The following PACS1 variants were observed in gnomAD, a reference collection of about 807,000 sequenced individuals.
PACS1 encodes phosphofurin acidic cluster sorting protein 1.
PACS1 carries 24 observed loss-of-function variants against 115.0 expected under a neutral mutation model. That is an observed-to-expected ratio of 0.21 (90% confidence interval 0.15 to 0.29). PACS1 has a LOEUF of 0.29. PACS1 is among the 10% of genes least tolerant of loss of function. The pLI is 1.00. For missense variants in PACS1, 838 were observed against 1,251.2 expected (o/e 0.67, Z 4.98); for synonymous variants, 453 against 504.5 (o/e 0.90, Z 1.37).
Position 66,236,236 on chromosome 11 carries a change from G to T in PACS1, c.2250+296G>T, listed in dbSNP as rs566574403. Reference sequence around the variant, plus strand: ...GCAGAGGTGGAGAAACCCTGGGCCGGACATGGATTGGGCTGTCCCTTTTAG... The same window carrying T: ...GCAGAGGTGGAGAAACCCTGGGCCGTACATGGATTGGGCTGTCCCTTTTAG... On this transcript the variant is annotated intron_variant, in intron 19 of 23. Coordinates refer to ENST00000320580, the MANE Select transcript of PACS1 (RefSeq NM_018026.4). This position sits in a 1 kb window ranked among gnomAD's most constrained non-coding sequence, Gnocchi z 4.2. Among the ~76,000 whole-genome samples, 5 of 152,306 alleles carry T rather than the reference G, an allele frequency of 3.3e-5. No individual in the cohort carries two copies. The highest frequency in any genetic ancestry group is 3.3e-4 in the Admixed American group (5 of 15,290).
chr11:66,199,176 G>T (rs183340197), intron 2 of PACS1, among the ~76,000 whole-genome samples: 2 of 152,034 alleles, frequency 1.3e-5, no homozygotes, highest in African/African-American at 2.4e-5. Flanking sequence ...TTAGCCAAGC[G>T]TGGTGGCGGG....
In PACS1 at chr11:66,095,839, A is replaced by G. The variant is rs552539237; in HGVS notation, c.356+24997A>G. On this transcript the variant is annotated intron_variant, in intron 1 of 23. Transcript: ENST00000320580. Reference sequence around the variant, plus strand: ...GTTTTACAGACTTATTTAGAAAACAATCTTTAGGTATTATCTGGTGAATTC... The same window carrying G: ...GTTTTACAGACTTATTTAGAAAACAGTCTTTAGGTATTATCTGGTGAATTC... Among the ~76,000 whole-genome samples the G allele has an allele frequency of 6.6e-5, 10 of 152,282 alleles. No individual in the cohort carries two copies. The East Asian group carries it at 9.6e-4, about 15-fold the overall frequency.
chr11:66,202,767 A>G (rs1854844430), intron 2 of PACS1, among the ~76,000 whole-genome samples: 1 of 118,820 alleles, frequency 8.4e-6, no homozygotes, highest in Non-Finnish European at 1.7e-5. Flanking sequence ...ATATATATAT[A>G]TATATATATA....
chr11:66,221,418 C>T (rs993111180), intron 10 of PACS1, 171 bp downstream of exon 10: 6 of 623,362 alleles, frequency 9.6e-6, no homozygotes, highest in South Asian at 3.7e-5. Flanking sequence ...GAGGTGGAGT[C>T]GGGCAGATCA....
chr11:66,079,176 C>G (rs1480134867), intron 1 of PACS1, among the ~76,000 whole-genome samples: 1 of 152,190 alleles, frequency 6.6e-6, no homozygotes, highest in African/African-American at 2.4e-5. Flanking sequence ...CGTGAGCCAC[C>G]GCCCAGCCTC....
At chr11:66,202,175 A>G (rs766962263) in intron 2 of PACS1, among the ~76,000 whole-genome samples, 13 of 152,196 alleles carry the variant, frequency 8.5e-5, no homozygotes, top group Non-Finnish European at 1.5e-4. Context: ...ACCTTCCAAG[A>G]TTGAACCATG....
intron 1 of PACS1, among the ~76,000 whole-genome samples, chr11:66,118,769 CAA>C (rs397945291): frequency 0.23 from 19,006 of 83,188 alleles, 502 homozygotes; most frequent in East Asian, 0.41. Context: ...CCCATGTCTA[CAA>C]AAAAAAAAAA....
intron 1 of PACS1, among the ~76,000 whole-genome samples, chr11:66,095,041 G>A (rs563830752): frequency 1.3e-4 from 19 of 146,652 alleles, no homozygotes; most frequent in South Asian, 2.2e-4. Context: ...TTGATGGGAC[G>A]TATCTCAAAA....
intron 21 of PACS1, among the ~76,000 whole-genome samples, chr11:66,240,325 G>T (rs1403747038): frequency 6.6e-6 from 1 of 152,128 alleles, no homozygotes; most frequent in East Asian, 1.9e-4. Flanking sequence ...GTGGAGGGGT[G>T]GGCTCCTGAC....
intron 17 of PACS1, among the ~76,000 whole-genome samples, chr11:66,234,800 C>T (rs1855673790): frequency 2.0e-5 from 3 of 152,048 alleles, no homozygotes; most frequent in Non-Finnish European, 4.4e-5. Flanking sequence ...TTGCTTGAGA[C>T]CAGAAGGTTG....
intron 1 of PACS1, among the ~76,000 whole-genome samples, chr11:66,104,344 A>G (rs1055916541): frequency 6.6e-6 from 1 of 152,160 alleles, no homozygotes; most frequent in Admixed American, 6.5e-5. Flanking sequence ...TCTTCCTTCT[A>G]TTTCTGGTTA....
intron 1 of PACS1, among the ~76,000 whole-genome samples, chr11:66,107,798 C>G (rs925377468): frequency 6.6e-6 from 1 of 152,182 alleles, no homozygotes; most frequent in African/African-American, 2.4e-5. Context: ...ATAGAGAAAC[C>G]AGCATAGAGA....
chr11:66,198,922 TTTAA>T (rs1252437395), intron 2 of PACS1, among the ~76,000 whole-genome samples: 3 of 152,236 alleles, frequency 2.0e-5, no homozygotes, highest in Admixed American at 6.5e-5. Context: ...AAATATCTGT[TTTAA>T]TTCATAATAT....
intron 19 of PACS1, chr11:66,238,476 G>T (rs973275169): frequency 3.0e-5 from 10 of 330,142 alleles, no homozygotes; most frequent in Non-Finnish European, 4.6e-5. Flanking sequence ...GATTTGCAAA[G>T]ATTTTTTTAT....
chr11:66,215,772 C>T (rs147434478), intron 4 of PACS1, among the ~76,000 whole-genome samples: 5 of 151,648 alleles, frequency 3.3e-5, no homozygotes, highest in African/African-American at 4.8e-5. Context: ...TGGTGGCAGA[C>T]GCCTGTAATC....
At chr11:66,144,787 C>A (rs116886340) in intron 1 of PACS1, among the ~76,000 whole-genome samples, 1 of 152,158 alleles carries the variant, frequency 6.6e-6, no homozygotes, top group Non-Finnish European at 1.5e-5. Context: ...GCATGCACCA[C>A]GACGCCCAGC....
chr11:66,132,295 T>G (rs1398791304), intron 1 of PACS1, among the ~76,000 whole-genome samples: 3 of 152,160 alleles, frequency 2.0e-5, no homozygotes, highest in Non-Finnish European at 4.4e-5. Context: ...AGTCCATGCT[T>G]GCTTCCCCTT....
At chr11:66,156,889 G>C (rs1859375478) in intron 1 of PACS1, among the ~76,000 whole-genome samples, 1 of 151,894 alleles carries the variant, frequency 6.6e-6, no homozygotes, top group Non-Finnish European at 1.5e-5. Context: ...GTTTAATAAA[G>C]GCAGCTATTC....
chr11:66,163,673 A>G (rs929193145), intron 1 of PACS1, among the ~76,000 whole-genome samples: 1 of 152,230 alleles, frequency 6.6e-6, no homozygotes, highest in Middle Eastern at 3.2e-3. Context: ...GGTTTCAAAC[A>G]GTAAGATAAT....
Sources: gnomAD v4.1 joint callset for allele counts (sites outside exome capture counted in the v4.1 genomes callset) on GRCh38, gnomAD v4.1.1 for gene constraint, Gnocchi (gnomAD v3.1) non-coding constraint, MANE v1.5 for transcripts, NCBI Gene and HGNC (gene_info 2026-07-23, HGNC 2026-07-21) for gene names.